The following CEP83 variants were observed in gnomAD, a reference collection of about 807,000 sequenced individuals.
The protein encoded by CEP83 is centrosomal protein 83.
CEP83 carries 70 observed loss-of-function variants against 101.9 expected under a neutral mutation model. The observed-to-expected ratio is 0.69, with a 90% confidence interval of 0.57 to 0.84. The LOEUF (loss-of-function observed/expected upper bound fraction) is 0.84. Ranked by LOEUF, CEP83 falls within the 40% of genes least tolerant of loss-of-function variation. CEP83 has a pLI of 0.00. For missense variants in CEP83, 715 were observed against 787.2 expected (o/e 0.91, Z 1.10); for synonymous variants, 264 against 267.9 (o/e 0.99, Z 0.14).
chr12:94,301,990 TC>T (rs1452189189), downstream of CEP83, among the ~76,000 whole-genome samples: 1 of 152,160 alleles, frequency 6.6e-6, no homozygotes, highest in East Asian at 1.9e-4. Flanking sequence ...CTTCATCCCG[TC>T]CCTACTGGGA....
At chr12:94,363,831 C>T (rs1279521867) in intron 11 of CEP83, among the ~76,000 whole-genome samples, 2 of 151,650 alleles carry the variant, frequency 1.3e-5, no homozygotes, top group Admixed American at 1.3e-4. Context: ...GCCTTTAATC[C>T]CAGCTACTTG....
chr12:94,454,878 G>A (rs781019348), intron 1 of CEP83, among the ~76,000 whole-genome samples: 4 of 149,570 alleles, frequency 2.7e-5, no homozygotes, highest in East Asian at 2.0e-4. Flanking sequence ...CGAACCCACC[G>A]GGAGGAATGA....
At chr12:94,387,268 G>C (rs2062203849) in intron 6 of CEP83, among the ~76,000 whole-genome samples, 1 of 152,216 alleles carries the variant, frequency 6.6e-6, no homozygotes, top group Admixed American at 6.5e-5. Context: ...GAAGTGAGCA[G>C]CAGGTGAGCG....
In CEP83 at chr12:94,331,660, C is replaced by T. The variant is rs376542151; in HGVS notation, c.1707+40G>A. On this transcript the variant is annotated intron_variant, in intron 14 of 16. Transcript: ENST00000397809. ...GTGCTGGGATTACAGGTGTGAGCCA[C>T]CATGCCTGGCCAGAGATCACTTTAA... is the stretch of plus-strand genomic sequence containing the variant. 5.0e-6 allele frequency: 8 copies of T among 1,604,346 alleles called. No homozygotes were observed. In the African/African-American group the frequency reaches 9.4e-5, roughly 19 times the overall value.
At position 94,379,004 on chromosome 12, in the gene CEP83, G is replaced by A. The variant is rs1341882868; in HGVS notation, c.588C>T (p.Asn196=). 9 of 1,612,056 alleles carry A rather than the reference G, an allele frequency of 5.6e-6. No homozygotes were observed. Among genetic ancestry groups the A allele is most frequent in the Non-Finnish European group, 7.6e-6 (9 of 1,178,528 alleles). The change falls in exon 7 of 17, where the codon AAC becomes AAT. Residue 196 remains asparagine, a synonymous_variant. Coordinates refer to ENST00000397809, the MANE Select transcript of CEP83 (RefSeq NM_016122.3). ...TTGTGAGATCAACATTAAGCAGCTGGTTACGTAGTTCTTCTTTATCTTCCT... is the reference window on the plus strand; with the variant it reads ...TTGTGAGATCAACATTAAGCAGCTGATTACGTAGTTCTTCTTTATCTTCCT... The part of the protein sequence containing the change: ...RLEEDKEELR[N]QLLNVDLTKD...
intron 12 of CEP83, 106 bp downstream of exon 12, chr12:94,335,483 G>A: frequency 1.5e-6 from 1 of 687,626 alleles, no homozygotes. Context: ...ACCAATTGTG[G>A]TTAGATTCTA....
At chr12:94,390,925 G>GA (rs1393441474) in intron 6 of CEP83, among the ~76,000 whole-genome samples, 1 of 152,054 alleles carries the variant, frequency 6.6e-6, no homozygotes, top group Non-Finnish European at 1.5e-5. Context: ...CAAAGTTAGA[G>GA]AAAAAAGAGC....
chr12:94,293,006 G>A, the CEP83 span, among the ~76,000 whole-genome samples: 1 of 152,080 alleles, frequency 6.6e-6, no homozygotes. Flanking sequence ...CACTACCGCT[G>A]CTCTCTTCTC....
At chr12:94,333,991 C>T (rs1323501949) in intron 12 of CEP83, among the ~76,000 whole-genome samples, 1 of 151,906 alleles carries the variant, frequency 6.6e-6, no homozygotes, top group Non-Finnish European at 1.5e-5. Context: ...CCACTCTAGC[C>T]TTCTCCTCAC....
At chr12:94,340,969 T>A (rs2059659768) in intron 11 of CEP83, among the ~76,000 whole-genome samples, 1 of 152,262 alleles carries the variant, frequency 6.6e-6, no homozygotes, top group Non-Finnish European at 1.5e-5. Flanking sequence ...AAAACCCTTA[T>A]CTTTCCCACA....
intron 8 of CEP83, among the ~76,000 whole-genome samples, chr12:94,372,012 C>T (rs557883023): frequency 4.7e-4 from 71 of 152,256 alleles, no homozygotes; most frequent in African/African-American, 1.5e-3. Flanking sequence ...CTCGCTCTGT[C>T]GCCCAGGCTG....
intron 1 of CEP83, among the ~76,000 whole-genome samples, chr12:94,447,801 G>C (rs2066918365): frequency 6.6e-6 from 1 of 151,852 alleles, no homozygotes; most frequent in Admixed American, 6.6e-5. Context: ...AAGTTAAAAG[G>C]CATATTGTAA....
At chr12:94,374,902 G>C (rs913812128) in intron 8 of CEP83, among the ~76,000 whole-genome samples, 1 of 152,160 alleles carries the variant, frequency 6.6e-6, no homozygotes, top group Non-Finnish European at 1.5e-5. Context: ...AAGTTTCAGA[G>C]AGACAGTGAA....
chr12:94,291,537 T>C, the CEP83 span, among the ~76,000 whole-genome samples: 9 of 152,220 alleles, frequency 5.9e-5, no homozygotes, highest in Admixed American at 2.0e-4. Context: ...AGCCAAAATA[T>C]AATTCATATT....
chr12:94,310,151 A>G (rs1477092520), intron 15 of CEP83, 44 bp from the exon 16 acceptor site: 2 of 933,190 alleles, frequency 2.1e-6, no homozygotes, highest in African/African-American at 3.3e-5. Context: ...GTTATACCCT[A>G]TTGAAGCACA....
At chr12:94,429,421 A>G (rs2065452036) in intron 2 of CEP83, among the ~76,000 whole-genome samples, 1 of 152,118 alleles carries the variant, frequency 6.6e-6, no homozygotes, top group Non-Finnish European at 1.5e-5. Context: ...GGGCACACCA[A>G]CCTCTCCACT....
At chr12:94,440,033 C>T (rs1025747800) in intron 1 of CEP83, among the ~76,000 whole-genome samples, 1 of 152,078 alleles carries the variant, frequency 6.6e-6, no homozygotes, top group African/African-American at 2.4e-5. Context: ...AAGGGACATA[C>T]CTTAAGATAA....
chr12:94,347,483 T>C (rs867881340), intron 11 of CEP83, among the ~76,000 whole-genome samples: 7 of 152,206 alleles, frequency 4.6e-5, no homozygotes, highest in African/African-American at 1.4e-4. Context: ...TGTTTCCACA[T>C]TGGAAAACAG....
intron 2 of CEP83, among the ~76,000 whole-genome samples, chr12:94,418,637 T>C (rs1156502752): frequency 1.3e-5 from 2 of 152,316 alleles, no homozygotes; most frequent in South Asian, 2.1e-4. Context: ...GGTAGGCTGA[T>C]GATTTCCAGG....
Sources: gnomAD v4.1 joint callset for allele counts (sites outside exome capture counted in the v4.1 genomes callset) on GRCh38, gnomAD v4.1.1 for gene constraint, MANE v1.5 for transcripts, NCBI Gene and HGNC (gene_info 2026-07-23, HGNC 2026-07-21) for gene names.